Variants in ARHGAP10 observed in about 807,000 individuals in gnomAD.
ARHGAP10 encodes rho GTPase-activating protein 10.
In ARHGAP10, 87 loss-of-function variants were observed where a neutral mutation model predicts 108.6. The ratio of observed to expected loss-of-function variants is 0.80; its 90% CI spans 0.67 to 0.96. The LOEUF is 0.96. ARHGAP10 is among the 40% of genes least tolerant of loss of function. The pLI is 0.00. For synonymous variants in ARHGAP10, 347 were observed against 341.1 expected, an observed-to-expected ratio of 1.02 and a Z score of -0.19; for missense variants, 939 against 954.5, an observed-to-expected ratio of 0.98 and a Z score of 0.21.
At chr4:147,896,155 G>T (rs78214040) in intron 10 of ARHGAP10, among the ~76,000 whole-genome samples, 7,067 of 152,232 alleles carry the variant, frequency 0.046, 238 homozygotes, top group Non-Finnish European at 0.065. Context: ...GTTCATGAGA[G>T]ATGTGTGCGT....
chr4:147,944,928 C>T (rs964118186), intron 14 of ARHGAP10, among the ~76,000 whole-genome samples: 88 of 152,244 alleles, frequency 5.8e-4, no homozygotes, highest in Non-Finnish European at 9.1e-4. Flanking sequence ...TAACCTGCTA[C>T]GTTTAATTAT....
At chr4:147,926,649 T>A (rs922067194) in intron 13 of ARHGAP10, among the ~76,000 whole-genome samples, 2 of 152,136 alleles carry the variant, frequency 1.3e-5, no homozygotes, top group Non-Finnish European at 2.9e-5. Context: ...TAAGTCAAGA[T>A]GATAGTGGAG....
At chr4:147,958,114 AC>A (rs1738857250) in intron 16 of ARHGAP10, among the ~76,000 whole-genome samples, 1 of 152,330 alleles carries the variant, frequency 6.6e-6, no homozygotes, top group South Asian at 2.1e-4. Flanking sequence ...GATTGTGTCC[AC>A]CACAGGCAGG....
intron 18 of ARHGAP10, among the ~76,000 whole-genome samples, chr4:147,979,850 T>C (rs995815717): frequency 3.3e-4 from 51 of 152,314 alleles, no homozygotes; most frequent in African/African-American, 8.2e-4. Flanking sequence ...GTTACTGATA[T>C]AAAGAAATGT....
At chr4:147,970,036 C>G (rs1288726986) in intron 18 of ARHGAP10, among the ~76,000 whole-genome samples, 1 of 152,150 alleles carries the variant, frequency 6.6e-6, no homozygotes, top group Non-Finnish European at 1.5e-5. Flanking sequence ...GTTAACAGTT[C>G]TGAGAACCTA....
chr4:147,826,091 A>G (rs994343365), intron 3 of ARHGAP10, among the ~76,000 whole-genome samples: 2 of 152,244 alleles, frequency 1.3e-5, no homozygotes, highest in Admixed American at 6.5e-5. Flanking sequence ...AGGATACTGC[A>G]CAAAGGGCAT....
At chr4:147,743,913 C>T (rs1041968789) in intron 1 of ARHGAP10, among the ~76,000 whole-genome samples, 5 of 151,908 alleles carry the variant, frequency 3.3e-5, no homozygotes, top group Admixed American at 6.6e-5. Context: ...GTTTGCTAGG[C>T]GTAGAAAAAA....
intron 8 of ARHGAP10, among the ~76,000 whole-genome samples, chr4:147,875,854 T>TAAA (rs1417131308): frequency 6.6e-6 from 1 of 152,226 alleles, no homozygotes; most frequent in African/African-American, 2.4e-5. Context: ...CTTTGAACAT[T>TAAA]TGGTCTTATT....
At chr4:148,036,079 T>TGG (rs1440395796) in intron 19 of ARHGAP10, among the ~76,000 whole-genome samples, 1 of 151,678 alleles carries the variant, frequency 6.6e-6, no homozygotes, top group East Asian at 1.9e-4. Flanking sequence ...TGTGTGTGTG[T>TGG]GTGTGTGTGT....
Position 148,043,614 on chromosome 4 carries a change from AATATATATATAT to A in ARHGAP10, c.1868-3251_1868-3240del, listed in dbSNP as rs57931206. ...GACAACATAGGGAGACCCTCTCTCT[AATATATATATAT>A]ATATATATATATATATATATATATA... On this transcript the variant is annotated intron_variant, in intron 19 of 22. Transcript: ENST00000336498. Among the ~76,000 whole-genome samples, 238 of 54,986 alleles carry A rather than the reference AATATATATATAT, an allele frequency of 4.3e-3. 12 individuals are homozygous for A. Among genetic ancestry groups the A allele is most frequent in the South Asian group, 0.019 (37 of 1,990 alleles). 36.1% of individuals were successfully genotyped at this position (54,986 alleles called of 152,430 possible).
intron 13 of ARHGAP10, among the ~76,000 whole-genome samples, chr4:147,914,107 G>A (rs1268552207): frequency 5.3e-5 from 8 of 152,148 alleles, no homozygotes; most frequent in African/African-American, 1.4e-4. Flanking sequence ...AGCCGAGATC[G>A]TGTCACTGCA....
chr4:147,768,264 A>G (rs1334911877), intron 1 of ARHGAP10, among the ~76,000 whole-genome samples: 2 of 152,142 alleles, frequency 1.3e-5, no homozygotes, highest in South Asian at 2.1e-4. Flanking sequence ...TACTATTGCC[A>G]CAGCTGAGTG....
intron 18 of ARHGAP10, among the ~76,000 whole-genome samples, chr4:147,973,143 G>A (rs1739473212): frequency 6.6e-6 from 1 of 152,150 alleles, no homozygotes; most frequent in Non-Finnish European, 1.5e-5. Context: ...GATATTCAGT[G>A]TCAATTTTTT....
At chr4:147,782,617 A>C (rs1730583488) in intron 1 of ARHGAP10, 1 of 151,658 alleles carries the variant, frequency 6.6e-6, no homozygotes, top group Admixed American at 6.6e-5. Context: ...TAAATGCAGC[A>C]TGCCAGTCCT....
chr4:148,008,611 G>C (rs981501708), intron 18 of ARHGAP10, among the ~76,000 whole-genome samples: 7 of 152,026 alleles, frequency 4.6e-5, no homozygotes, highest in Admixed American at 4.6e-4. Flanking sequence ...TTGAGAAGCC[G>C]TCAGCAGATT....
chr4:148,008,795 A>T (rs1308192092), intron 18 of ARHGAP10, among the ~76,000 whole-genome samples: 2 of 152,090 alleles, frequency 1.3e-5, no homozygotes, highest in African/African-American at 4.8e-5. Flanking sequence ...CTTTTCACTC[A>T]TTCCTTAAGA....
intron 1 of ARHGAP10, among the ~76,000 whole-genome samples, chr4:147,746,034 C>T (rs897268655): frequency 2.6e-5 from 4 of 151,960 alleles, no homozygotes; most frequent in Admixed American, 1.3e-4. Flanking sequence ...GTGATCTTCC[C>T]GCCTCTGCCT....
chr4:147,741,900 G>A (rs1248074775), intron 1 of ARHGAP10, among the ~76,000 whole-genome samples: 1 of 151,700 alleles, frequency 6.6e-6, no homozygotes, highest in Non-Finnish European at 1.5e-5. Flanking sequence ...ACCCCAAGTT[G>A]CTGCCATAGC....
At chr4:148,038,006 G>A (rs1188911615) in intron 19 of ARHGAP10, among the ~76,000 whole-genome samples, 1 of 151,978 alleles carries the variant, frequency 6.6e-6, no homozygotes, top group African/African-American at 2.4e-5. Flanking sequence ...TAAGAATTAG[G>A]TTTTATTTAC....
Sources: gnomAD v4.1 joint callset for allele counts (sites outside exome capture counted in the v4.1 genomes callset) on GRCh38, gnomAD v4.1.1 for gene constraint, MANE v1.5 for transcripts, NCBI Gene and HGNC (gene_info 2026-07-23, HGNC 2026-07-21) for gene names.